KSR1: variants seen among roughly 807,000 people sequenced by gnomAD.
KSR1 encodes the protein kinase suppressor of ras 1.
A neutral mutation model predicts 92.9 loss-of-function variants in KSR1; 35 were observed. The ratio of observed to expected loss-of-function variants is 0.38; its 90% CI spans 0.29 to 0.50. The LOEUF (loss-of-function observed/expected upper bound fraction) is 0.50. Among genes scored for constraint, KSR1 ranks in the 20% least tolerant of loss-of-function variants. The pLI is 0.94. For synonymous variants in KSR1, 467 were observed against 472.6 expected, an observed-to-expected ratio of 0.99 and a Z score of 0.15; for missense variants, 972 against 1,158.5, an observed-to-expected ratio of 0.84 and a Z score of 2.34.
At chr17:27,461,567 A>C (rs2019437254) in intron 1 of KSR1, among the ~76,000 whole-genome samples, 1 of 152,238 alleles carries the variant, frequency 6.6e-6, no homozygotes, top group African/African-American at 2.4e-5. Context: ...CTGAAGAGAT[A>C]CAGAGCTGGG....
chr17:27,610,278 A>G (rs767388822), intron 17 of KSR1, 80 bp downstream of exon 17: 305 of 1,590,642 alleles, frequency 1.9e-4, no homozygotes, highest in Non-Finnish European at 2.5e-4. Context: ...AGAGGGAGGC[A>G]TGCTTTTAGG....
chr17:27,573,634 G>A (rs1340378110), intron 2 of KSR1, among the ~76,000 whole-genome samples: 3 of 152,090 alleles, frequency 2.0e-5, no homozygotes, highest in South Asian at 2.1e-4. Flanking sequence ...AATTTACTTC[G>A]AAAAAAATAA....
rs1287948760 is a variant in KSR1, at chr17:27,582,879, A to G, written c.754A>G (p.Ile252Val). 1.9e-6 allele frequency: 3 copies of G among 1,612,464 alleles called. No homozygotes were observed. The highest frequency in any genetic ancestry group is 1.7e-6 in the Non-Finnish European group (2 of 1,179,456). The change falls in exon 4 of 21, where the codon ATT becomes GTT. Residue 252 changes from isoleucine (I) to valine (V), a missense_variant. Around this residue, in one of 5 missense-constraint regions of KSR1, gnomAD observed 611 missense variants for 668.0 expected, o/e 0.91. Coordinates refer to ENST00000644974, the MANE Select transcript of KSR1 (RefSeq NM_001394583.1). ...SFSEGLSDTC[I>V]PLHASGRLTP... is the part of the protein sequence containing the mutation. ...CAGTGAGGGCCTCTCAGACACCTGT[A>G]TTCCCCTGCACGCCAGCGGCCGGCT...
chr17:27,493,469 ATG>A (rs1418589881), intron 1 of KSR1, among the ~76,000 whole-genome samples: 3 of 152,270 alleles, frequency 2.0e-5, no homozygotes, highest in Non-Finnish European at 4.4e-5. Flanking sequence ...GCTCCGTATA[ATG>A]TTTATGGCCT....
intron 5 of KSR1, among the ~76,000 whole-genome samples, chr17:27,586,148 C>G (rs956008706): frequency 6.6e-6 from 1 of 152,144 alleles, no homozygotes; most frequent in African/African-American, 2.4e-5. Flanking sequence ...TGAATGAGGC[C>G]CCAAAAGATG....
intron 17 of KSR1, 93 bp from the exon 18 acceptor site, chr17:27,611,401 C>T: frequency 6.5e-7 from 1 of 1,545,844 alleles, no homozygotes; most frequent in South Asian, 1.2e-5. Flanking sequence ...GAGAAGGGTC[C>T]TGATCCTCTG....
At chr17:27,509,671 A>AAACC (rs1472745809) in intron 1 of KSR1, among the ~76,000 whole-genome samples, 5 of 151,824 alleles carry the variant, frequency 3.3e-5, no homozygotes, top group Non-Finnish European at 5.9e-5. Context: ...TAAAACAAAC[A>AAACC]AACAACAACA....
intron 1 of KSR1, among the ~76,000 whole-genome samples, chr17:27,492,272 ACCCAGCACATGTTG>A (rs2068854869): frequency 6.6e-6 from 1 of 152,148 alleles, no homozygotes; most frequent in Non-Finnish European, 1.5e-5. Flanking sequence ...GAGGCAGCCC[ACCCAGCACATGTTG>A]ACCTTGCTTT....
intron 18 of KSR1, among the ~76,000 whole-genome samples, chr17:27,613,812 T>A (rs1257040811): frequency 2.0e-5 from 3 of 152,218 alleles, no homozygotes; most frequent in Admixed American, 1.3e-4. Flanking sequence ...CCAGTCTTTT[T>A]AAATTTTTTT....
intron 9 of KSR1, among the ~76,000 whole-genome samples, chr17:27,593,442 C>T (rs780771739): frequency 1.8e-4 from 27 of 152,252 alleles, no homozygotes; most frequent in Non-Finnish European, 3.2e-4. Flanking sequence ...AGCGTGTGCC[C>T]CCCCGATGAG....
At chr17:27,509,756 CCTGAGCCCAGGAACTTGAGG>C (rs1409450661) in intron 1 of KSR1, among the ~76,000 whole-genome samples, 4 of 152,326 alleles carry the variant, frequency 2.6e-5, no homozygotes, top group Admixed American at 2.0e-4. Flanking sequence ...TGGAGGATTG[CCTGAGCCCAGGAACTTGAGG>C]CTGCAGTGAG....
At chr17:27,595,283 G>T (rs942882524) in intron 9 of KSR1, among the ~76,000 whole-genome samples, 1 of 152,220 alleles carries the variant, frequency 6.6e-6, no homozygotes, top group Non-Finnish European at 1.5e-5. Flanking sequence ...CTCTCTGTTG[G>T]TCTTTTGGCC....
intron 3 of KSR1, chr17:27,579,929 G>C (rs1197992629): frequency 7.6e-6 from 1 of 131,438 alleles, no homozygotes; most frequent in African/African-American, 2.9e-5. Flanking sequence ...AAGGATGGTT[G>C]TCTGTGCTGG....
chr17:27,531,912 C>T (rs550051959), intron 1 of KSR1, among the ~76,000 whole-genome samples: 1 of 152,186 alleles, frequency 6.6e-6, no homozygotes, highest in Admixed American at 6.5e-5. Flanking sequence ...AAATAGGGAA[C>T]CAGCGTTACC....
At chr17:27,542,152 A>C (rs1273945361) in intron 1 of KSR1, among the ~76,000 whole-genome samples, 2 of 152,178 alleles carry the variant, frequency 1.3e-5, no homozygotes, top group Non-Finnish European at 2.9e-5. Context: ...GATCTACTCT[A>C]ATTCCTAGCC....
At chr17:27,604,508 G>A (rs2073681693) in intron 12 of KSR1, among the ~76,000 whole-genome samples, 172 bp from the exon 13 acceptor site, 1 of 152,230 alleles carries the variant, frequency 6.6e-6, no homozygotes, top group African/African-American at 2.4e-5. Context: ...ACAAGGGGCA[G>A]GTCTGGCCCT....
chr17:27,586,012 C>A, intron 5 of KSR1: 1 of 332,364 alleles, frequency 3.0e-6, no homozygotes, highest in Non-Finnish European at 5.6e-6. Context: ...AGCAGCACCC[C>A]TGGGAAGGCG....
intron 1 of KSR1, chr17:27,527,058 C>T (rs1467772487): frequency 2.5e-5 from 11 of 444,152 alleles, no homozygotes; most frequent in Middle Eastern, 3.3e-4. Context: ...GAGTTGCATT[C>T]GTGGGTCAGC....
At chr17:27,533,546 G>A (rs530246516) in intron 1 of KSR1, among the ~76,000 whole-genome samples, 1 of 152,100 alleles carries the variant, frequency 6.6e-6, no homozygotes, top group Non-Finnish European at 1.5e-5. Flanking sequence ...ACCATGCCCA[G>A]CTAATTGTTG....
Sources: allele counts gnomAD v4.1 joint callset (sites outside exome capture counted in the v4.1 genomes callset), GRCh38; gene constraint gnomAD v4.1.1; regional missense constraint gnomAD v4.1.1; transcripts MANE v1.5; gene names NCBI Gene and HGNC (gene_info 2026-07-23, HGNC 2026-07-21).